Variants in LOC122539214 observed in about 807,000 individuals in gnomAD.
chr19:52,673,521 A>AC, the LOC122539214 span, among the ~76,000 whole-genome samples: 1 of 147,516 alleles, frequency 6.8e-6, no homozygotes, highest in Non-Finnish European at 1.5e-5. Flanking sequence ...CACACACACA[A>AC]AATGCTATAA....
At chr19:52,689,980 G>A in the LOC122539214 span, among the ~76,000 whole-genome samples, 2 of 152,174 alleles carry the variant, frequency 1.3e-5, no homozygotes, top group Non-Finnish European at 2.9e-5. Flanking sequence ...GGAGGTGGGG[G>A]GCGACGGCGC....
chr19:52,658,271 G>T, the LOC122539214 span, among the ~76,000 whole-genome samples: 1 of 151,916 alleles, frequency 6.6e-6, no homozygotes. Flanking sequence ...CCCAGGCCAG[G>T]TTCTGGCTCA....
the LOC122539214 span, among the ~76,000 whole-genome samples, chr19:52,659,911 C>T: frequency 9.2e-5 from 14 of 152,248 alleles, no homozygotes; most frequent in East Asian, 2.7e-3. Flanking sequence ...TATTTCTCGG[C>T]TGGGTGGGCG....
At chr19:52,683,528 A>ACCCTCACTCTG in the LOC122539214 span, among the ~76,000 whole-genome samples, 31,582 of 66,222 alleles carry the variant, frequency 0.48, 8,733 homozygotes, top group African/African-American at 0.7. Context: ...ATCCAAAGGG[A>ACCCTCACTCTG]AGGGCAAAGT....
the LOC122539214 span, among the ~76,000 whole-genome samples, chr19:52,659,949 T>C: frequency 3.3e-5 from 5 of 152,222 alleles, no homozygotes; most frequent in South Asian, 4.1e-4. Flanking sequence ...TCCCACGACC[T>C]TGGGAGGCTG....
At chr19:52,689,938 A>T in the LOC122539214 span, among the ~76,000 whole-genome samples, 1 of 152,126 alleles carries the variant, frequency 6.6e-6, no homozygotes, top group African/African-American at 2.4e-5. Flanking sequence ...CGGAGGAGAG[A>T]CCTGGGGAGC....
chr19:52,688,555 A>C, the LOC122539214 span, among the ~76,000 whole-genome samples: 1 of 149,440 alleles, frequency 6.7e-6, no homozygotes, highest in East Asian at 2.0e-4. Context: ...CTCTTGTTTT[A>C]TTTTCCCCCG....
At chr19:52,659,000 C>T in the LOC122539214 span, among the ~76,000 whole-genome samples, 14 of 152,024 alleles carry the variant, frequency 9.2e-5, no homozygotes, top group South Asian at 4.1e-4. Flanking sequence ...GGTGTGCAGG[C>T]GATTGGGCAC....
the LOC122539214 span, among the ~76,000 whole-genome samples, chr19:52,676,939 A>G: frequency 3.5e-5 from 5 of 140,920 alleles, no homozygotes; most frequent in African/African-American, 1.4e-4. Context: ...CATGCTCCTT[A>G]AGAGTCATCA....
the LOC122539214 span, chr19:52,655,315 G>C: frequency 2.6e-6 from 1 of 382,846 alleles, no homozygotes; most frequent in Non-Finnish European, 4.7e-6. Context: ...TCTCTGCTTA[G>C]AGCAGGATGA....
the LOC122539214 span, among the ~76,000 whole-genome samples, chr19:52,674,853 C>T: frequency 0.012 from 1,795 of 152,256 alleles, 27 homozygotes; most frequent in Middle Eastern, 0.037. Flanking sequence ...TTTAACACAA[C>T]GCCCATACAA....
chr19:52,688,867 C>A, the LOC122539214 span, among the ~76,000 whole-genome samples: 1 of 148,866 alleles, frequency 6.7e-6, no homozygotes, highest in Non-Finnish European at 1.5e-5. Flanking sequence ...ACATCAAGAA[C>A]GGTTACAGGA....
At chr19:52,688,472 CCT>C in the LOC122539214 span, among the ~76,000 whole-genome samples, 1 of 151,958 alleles carries the variant, frequency 6.6e-6, no homozygotes, top group Admixed American at 6.6e-5. Context: ...CTGTACCCAG[CCT>C]CTCTTTCTTC....
chr19:52,663,054 T>C, the LOC122539214 span, among the ~76,000 whole-genome samples: 16 of 152,038 alleles, frequency 1.1e-4, no homozygotes, highest in African/African-American at 3.1e-4. Context: ...TCCCAGCTAT[T>C]TGGGAGGCTG....
the LOC122539214 span, among the ~76,000 whole-genome samples, chr19:52,685,093 A>T: frequency 6.6e-6 from 1 of 152,308 alleles, no homozygotes; most frequent in Middle Eastern, 3.4e-3. Flanking sequence ...GGGGTACTGC[A>T]TCCCATTTAA....
the LOC122539214 span, among the ~76,000 whole-genome samples, chr19:52,685,461 T>C: frequency 6.6e-6 from 1 of 152,152 alleles, no homozygotes; most frequent in Non-Finnish European, 1.5e-5. Flanking sequence ...TGCCACTGAT[T>C]CCTGACATTT....
chr19:52,670,614 ATATT>A, the LOC122539214 span, among the ~76,000 whole-genome samples: 1 of 152,200 alleles, frequency 6.6e-6, no homozygotes, highest in African/African-American at 2.4e-5. Context: ...ATATTTTAAA[ATATT>A]TATTCTGCAC....
the LOC122539214 span, among the ~76,000 whole-genome samples, chr19:52,679,289 C>A: frequency 6.6e-6 from 1 of 152,126 alleles, no homozygotes; most frequent in Non-Finnish European, 1.5e-5. Context: ...CACAGTGCCA[C>A]TGAGAGAAGC....
chr19:52,652,247 C>T, the LOC122539214 span: 2 of 231,808 alleles, frequency 8.6e-6, no homozygotes, highest in South Asian at 5.5e-5. Context: ...AGCAACCAGG[C>T]CAACATGGTG....
Sources: allele counts gnomAD v4.1 joint callset (sites outside exome capture counted in the v4.1 genomes callset), GRCh38; gene constraint gnomAD v4.1.1; transcripts MANE v1.5.